Variants in B4GALNT3 observed in about 807,000 individuals in gnomAD.
The protein encoded by B4GALNT3 is beta-1,4-N-acetylgalactosaminyltransferase 3.
B4GALNT3 carries 86 observed loss-of-function variants against 120.2 expected under a neutral mutation model. That is an observed-to-expected ratio of 0.72 (90% CI 0.60 to 0.86). B4GALNT3 has a LOEUF of 0.86. Ranked by LOEUF, B4GALNT3 falls within the 40% of genes least tolerant of loss-of-function variation. The pLI is 0.00. For synonymous variants in B4GALNT3, 518 were observed against 510.4 expected (o/e 1.01, Z -0.20); for missense variants, 1,167 against 1,298.9 (o/e 0.90, Z 1.56).
Position 510,698 on chromosome 12 carries a change from C to T in B4GALNT3, c.170-24468C>T, listed in dbSNP as rs2120570927. Among the ~76,000 whole-genome samples the T allele has an allele frequency of 1.3e-5, 2 of 152,186 alleles. 1 individual carries two copies. Among genetic ancestry groups the T allele is most frequent in the South Asian group, 4.1e-4 (2 of 4,820 alleles). On this transcript the variant is annotated intron_variant, in intron 1 of 19. Coordinates refer to ENST00000266383, the MANE Select transcript of B4GALNT3 (RefSeq NM_173593.4). The stretch of plus-strand genomic sequence containing the variant: ...TGGAAAGAAACCTGTTGCCAGCCCT[C>T]TAGGGATGGTCACAATTAAACAGGG...
intron 1 of B4GALNT3, among the ~76,000 whole-genome samples, chr12:467,365 C>T (rs1946091987): frequency 1.3e-5 from 2 of 152,142 alleles, no homozygotes; most frequent in African/African-American, 4.8e-5. Context: ...TCGAGACCAG[C>T]CCGGCCAACA....
In B4GALNT3 at chr12:459,990, G is replaced by A. The variant is rs1319071899; in HGVS notation, c.-387G>A. On this transcript the variant is annotated 5_prime_UTR_variant, in exon 1 of 20. Transcript: ENST00000266383. ...GCCCGGAGCCCGGTCCGGGGCTGGC[G>A]GGGGCGCGGGCGGAGGCAGGCGGGC... Among the ~76,000 whole-genome samples the A allele has an allele frequency of 4.6e-5, 7 of 151,474 alleles. No homozygotes were observed. In the South Asian group the frequency reaches 8.3e-4, roughly 18 times the overall value.
chr12:552,326 C>T (rs1276957176), intron 12 of B4GALNT3, 141 bp from the exon 13 acceptor site: 1 of 894,360 alleles, frequency 1.1e-6, no homozygotes. Flanking sequence ...CACACACACA[C>T]ACACACACAC....
chr12:513,717 T>C (rs1351375146), intron 1 of B4GALNT3, among the ~76,000 whole-genome samples: 1 of 152,230 alleles, frequency 6.6e-6, no homozygotes, highest in African/African-American at 2.4e-5. Flanking sequence ...CTATTCAAGG[T>C]GGAGTTGCTC....
chr12:466,274 C>T (rs931221279), intron 1 of B4GALNT3, among the ~76,000 whole-genome samples: 3 of 152,156 alleles, frequency 2.0e-5, no homozygotes, highest in African/African-American at 7.2e-5. Flanking sequence ...CCTGGGCTTG[C>T]CCTCTAGTGC....
In B4GALNT3 at chr12:549,815, A is replaced by G; in HGVS notation, c.900A>G (p.Thr300=). The G allele has an allele frequency of 1.2e-6, 2 of 1,613,720 alleles. No individual in the cohort carries two copies. Among genetic ancestry groups the G allele is most frequent in the Non-Finnish European group, 1.7e-6 (2 of 1,180,012 alleles). The stretch of plus-strand genomic sequence containing the variant: ...ATGAGGTGGGCCACATCCCACAGAC[A>G]GCAGCCAGCCACGTGGACTCCTCCA... ...QMDEVGHIPQ[T]AASHVDSSNA... The change falls in exon 10 of 20, where the codon ACA becomes ACG. Residue 300 remains threonine (T), a synonymous_variant. Coordinates refer to ENST00000266383, the MANE Select transcript of B4GALNT3 (RefSeq NM_173593.4).
chr12:461,787 A>G (rs1220300955), intron 1 of B4GALNT3, among the ~76,000 whole-genome samples: 1 of 152,082 alleles, frequency 6.6e-6, no homozygotes, highest in Non-Finnish European at 1.5e-5. Context: ...ATGTATATTT[A>G]TGGCCTAACC....
intron 3 of B4GALNT3, among the ~76,000 whole-genome samples, chr12:540,845 A>G (rs12812331): frequency 0.12 from 17,948 of 151,736 alleles, 1,163 homozygotes; most frequent in Non-Finnish European, 0.15. Context: ...CCGGGTTCAC[A>G]CCATTCTCCT....
At chr12:512,481 A>T (rs1449418668) in intron 1 of B4GALNT3, among the ~76,000 whole-genome samples, 1 of 90,774 alleles carries the variant, frequency 1.1e-5, no homozygotes, top group Non-Finnish European at 2.2e-5. Context: ...CCCACCTTCC[A>T]CCTTCCGCCT....
At chr12:473,972 G>C (rs1246597866) in intron 1 of B4GALNT3, among the ~76,000 whole-genome samples, 1 of 152,186 alleles carries the variant, frequency 6.6e-6, no homozygotes, top group African/African-American at 2.4e-5. Context: ...ATAACTCAGG[G>C]CTGGAGGACA....
At chr12:511,292 G>GACCTTCCACCTTCCACCTTCTTCC (rs1946548910) in intron 1 of B4GALNT3, among the ~76,000 whole-genome samples, 4 of 32,208 alleles carry the variant, frequency 1.2e-4, no homozygotes, top group African/African-American at 2.4e-4. Flanking sequence ...TTCCACCTTC[G>GACCTTCCACCTTCCACCTTCTTCC]ACCTTCCACC....
rs914483347 is a variant in B4GALNT3 at position 486,706 on chromosome 12, T to C, written c.169+26161T>C. Among the ~76,000 whole-genome samples, 33 of 152,256 alleles carry C rather than the reference T, an allele frequency of 2.2e-4. 1 individual carries two copies. The highest frequency in any genetic ancestry group is 1.9e-3 in the Admixed American group (29 of 15,296). On this transcript the variant is annotated intron_variant, in intron 1 of 19. Transcript: ENST00000266383. Reference sequence around the variant, plus strand: ...TCATTGAAAGACTGAGATAAAACTATAGAATGCATCTGCTCCTGGACACCT... The same window carrying C: ...TCATTGAAAGACTGAGATAAAACTACAGAATGCATCTGCTCCTGGACACCT...
At chr12:504,552 C>T (rs561123533) in intron 1 of B4GALNT3, among the ~76,000 whole-genome samples, 39 of 150,950 alleles carry the variant, frequency 2.6e-4, no homozygotes, top group African/African-American at 8.5e-4. Flanking sequence ...CTCCGCCTCC[C>T]GGGCCCAAGC....
intron 17 of B4GALNT3, 90 bp from the exon 18 acceptor site, chr12:558,418 G>T: frequency 7.9e-7 from 1 of 1,271,096 alleles, no homozygotes; most frequent in South Asian, 1.3e-5. Flanking sequence ...CACTCCAATA[G>T]GGAAGACTCC....
At chr12:528,523 C>T (rs1471009038) in intron 1 of B4GALNT3, among the ~76,000 whole-genome samples, 8 of 152,244 alleles carry the variant, frequency 5.3e-5, no homozygotes. Context: ...TTTCTCGCAT[C>T]AAGTTCCCTG....
chr12:558,546 C>T lies in B4GALNT3; in HGVS notation c.2646C>T (p.Ile882=). Residue 882 remains isoleucine (I), a synonymous_variant, in exon 18 of 20, where the codon ATC becomes ATT. Coordinates refer to ENST00000266383, the MANE Select transcript of B4GALNT3 (RefSeq NM_173593.4). ...TCATCTTCCTCTGTGACCTCCACATCCACTTCCCAGCTGGAGTCATCGATG... is the reference window on the plus strand; with the variant it reads ...TCATCTTCCTCTGTGACCTCCACATTCACTTCCCAGCTGGAGTCATCGATG... The part of the protein sequence containing the change: ...HSIIFLCDLH[I]HFPAGVIDAI... 6.2e-7 allele frequency: 1 copy of T among 1,614,172 alleles called. No individual in the cohort carries two copies. The highest frequency in any genetic ancestry group is 1.1e-5 in the South Asian group (1 of 91,090).
intron 1 of B4GALNT3, among the ~76,000 whole-genome samples, chr12:500,864 G>GTTTTTTTTTTTTTTT (rs1565594758): frequency 6.0e-5 from 1 of 16,754 alleles, no homozygotes; most frequent in East Asian, 7.4e-3. Flanking sequence ...TGGCTCCACT[G>GTTTTTTTTTTTTTTT]CTTTTTTTTT....
intron 3 of B4GALNT3, 83 bp downstream of exon 3, chr12:536,378 T>G: frequency 1.7e-6 from 2 of 1,180,146 alleles, no homozygotes; most frequent in Non-Finnish European, 2.5e-6. Context: ...ACAGAAAACT[T>G]TCTACTAGGG....
chr12:538,372 C>G (rs1051319805), intron 3 of B4GALNT3, among the ~76,000 whole-genome samples: 1 of 151,534 alleles, frequency 6.6e-6, no homozygotes, highest in African/African-American at 2.4e-5. Flanking sequence ...GCCTGGGCAA[C>G]ATGGTGAGAC....
Sources: allele counts gnomAD v4.1 joint callset (sites outside exome capture counted in the v4.1 genomes callset), GRCh38; gene constraint gnomAD v4.1.1; transcripts MANE v1.5; gene names NCBI Gene and HGNC (gene_info 2026-07-23, HGNC 2026-07-21).